The following PALLD variants were observed in gnomAD, a reference collection of about 807,000 sequenced individuals.
The protein encoded by PALLD is palladin.
A neutral mutation model predicts 123.5 loss-of-function variants in PALLD; 61 were observed. That is an observed-to-expected ratio of 0.49 (90% CI 0.40 to 0.61). The LOEUF (loss-of-function observed/expected upper bound fraction) is 0.61, where lower values mean the gene tolerates loss of function less well. Ranked by LOEUF, PALLD falls within the 20% of genes least tolerant of loss-of-function variation. PALLD has a pLI of 0.00. For synonymous variants in PALLD, 465 were observed against 496.4 expected, an observed-to-expected ratio of 0.94 and a Z score of 0.84; for missense variants, 1,273 against 1,377.0, an observed-to-expected ratio of 0.92 and a Z score of 1.20.
At chr4:168,556,564 T>C (rs979701898) in intron 2 of PALLD, among the ~76,000 whole-genome samples, 1 of 152,232 alleles carries the variant, frequency 6.6e-6, no homozygotes, top group African/African-American at 2.4e-5. Flanking sequence ...TGTGTGCAAA[T>C]CAACCTCTTG....
intron 2 of PALLD, among the ~76,000 whole-genome samples, chr4:168,596,855 G>A (rs966369675): frequency 2.6e-5 from 4 of 151,936 alleles, no homozygotes; most frequent in Non-Finnish European, 4.4e-5. Flanking sequence ...CTTAAACTGT[G>A]CTTATCTCAT....
chr4:168,820,176 G>A (rs1742516540), intron 10 of PALLD, among the ~76,000 whole-genome samples: 1 of 152,250 alleles, frequency 6.6e-6, no homozygotes, highest in Non-Finnish European at 1.5e-5. Flanking sequence ...CTTAGTGGCA[G>A]AAGTCATGTT....
intron 10 of PALLD, among the ~76,000 whole-genome samples, chr4:168,712,878 TTC>T (rs1383628486): frequency 6.6e-6 from 1 of 152,196 alleles, no homozygotes; most frequent in Non-Finnish European, 1.5e-5. Context: ...GCCTACTCTT[TTC>T]TCTCTGTGAT....
At chr4:168,523,943 T>C (rs902438273) in intron 2 of PALLD, among the ~76,000 whole-genome samples, 2 of 152,204 alleles carry the variant, frequency 1.3e-5, no homozygotes, top group Admixed American at 6.5e-5. Flanking sequence ...GTCATTCTCC[T>C]AGTAATACTA....
At chr4:168,704,321 G>A (rs1215304515) in intron 8 of PALLD, among the ~76,000 whole-genome samples, 2 of 152,142 alleles carry the variant, frequency 1.3e-5, no homozygotes, top group South Asian at 2.1e-4. Flanking sequence ...ACATAGGCAT[G>A]GACAATTTTT....
At chr4:168,565,665 C>G (rs1040930698) in intron 2 of PALLD, among the ~76,000 whole-genome samples, 2 of 151,938 alleles carry the variant, frequency 1.3e-5, no homozygotes, top group Non-Finnish European at 2.9e-5. Flanking sequence ...ATTTACACTC[C>G]GAGAAGACCA....
chr4:168,654,678 G>T (rs970516343), intron 2 of PALLD: 2 of 152,184 alleles, frequency 1.3e-5, no homozygotes, highest in African/African-American at 4.8e-5. Flanking sequence ...GGTGTAATTA[G>T]TCCTGACTTC....
intron 3 of PALLD, among the ~76,000 whole-genome samples, chr4:168,670,775 C>CAAAAAAAAA (rs112589264): frequency 3.0e-5 from 3 of 100,204 alleles, no homozygotes; most frequent in Non-Finnish European, 6.0e-5. Context: ...CAAAAAAAAA[C>CAAAAAAAAA]AAAAAAAAAA....
chr4:168,642,288 G>C (rs926299906), intron 2 of PALLD, among the ~76,000 whole-genome samples: 3 of 152,182 alleles, frequency 2.0e-5, no homozygotes, highest in African/African-American at 7.2e-5. Flanking sequence ...GTTGAAAATT[G>C]ACATGGGACG....
At chr4:168,510,836 T>C (rs1270471432) in intron 1 of PALLD, among the ~76,000 whole-genome samples, 2 of 152,180 alleles carry the variant, frequency 1.3e-5, no homozygotes, top group Non-Finnish European at 2.9e-5. Context: ...ATCTACCATC[T>C]GGCCCTTTCC....
chr4:168,620,585 G>T (rs1056246337), intron 2 of PALLD, among the ~76,000 whole-genome samples: 3 of 152,196 alleles, frequency 2.0e-5, no homozygotes, highest in Non-Finnish European at 2.9e-5. Flanking sequence ...GCCACAGTCA[G>T]ATTTGCATTT....
chr4:168,736,913 C>T (rs181174859), intron 10 of PALLD, among the ~76,000 whole-genome samples: 35 of 152,124 alleles, frequency 2.3e-4, no homozygotes, highest in Admixed American at 1.1e-3. Context: ...TGGTTATTAA[C>T]GTGAAGTTTA....
At chr4:168,712,723 A>G (rs1056736534) in intron 10 of PALLD, among the ~76,000 whole-genome samples, 5 of 152,280 alleles carry the variant, frequency 3.3e-5, no homozygotes, top group South Asian at 2.1e-4. Flanking sequence ...GTGAATGTGT[A>G]TGTATTCTAT....
intron 10 of PALLD, among the ~76,000 whole-genome samples, chr4:168,863,537 G>T (rs923814003): frequency 6.6e-6 from 1 of 152,174 alleles, no homozygotes; most frequent in African/African-American, 2.4e-5. Flanking sequence ...TGAGGAAGCA[G>T]TGAAGGATGC....
rs115752545 is a variant in PALLD at position 168,772,687 on chromosome 4, G to C, written c.1964+60764G>C. On this transcript the variant is annotated intron_variant, in intron 10 of 21. Coordinates refer to ENST00000505667, the MANE Select transcript of PALLD (RefSeq NM_001166108.2). ...AAATGTGCCTGACACTGTAGTGGAG[G>C]CCAGCTTCTTGAAAGCAAAAAAACA... is the stretch of plus-strand genomic sequence containing the variant. 1.7e-3 allele frequency among the ~76,000 whole-genome samples: 262 copies of C among 152,246 alleles called. 1 individual carries two copies. The highest frequency in any genetic ancestry group is 5.9e-3 in the African/African-American group (243 of 41,522).
chr4:168,749,824 C>G (rs1730800485), intron 10 of PALLD, among the ~76,000 whole-genome samples: 1 of 152,118 alleles, frequency 6.6e-6, no homozygotes, highest in South Asian at 2.1e-4. Flanking sequence ...TTCTGTCACC[C>G]AGGTAGTAAG....
intron 2 of PALLD, among the ~76,000 whole-genome samples, chr4:168,604,071 T>C (rs775418863): frequency 6.6e-6 from 1 of 152,202 alleles, no homozygotes; most frequent in Non-Finnish European, 1.5e-5. Flanking sequence ...TGAAAATAAC[T>C]CTGAAAACTC....
chr4:168,527,336 C>G (rs990624238), intron 2 of PALLD, among the ~76,000 whole-genome samples: 3 of 144,964 alleles, frequency 2.1e-5, no homozygotes, highest in Non-Finnish European at 3.0e-5. Flanking sequence ...GCAGGAGAAT[C>G]GCTTTAACCC....
chr4:168,671,245 A>G (rs1295633833), intron 3 of PALLD, among the ~76,000 whole-genome samples: 2 of 152,204 alleles, frequency 1.3e-5, no homozygotes, highest in Non-Finnish European at 2.9e-5. Flanking sequence ...TTTAACTTTT[A>G]ATGTGGTTCT....
Sources: allele counts gnomAD v4.1 joint callset (sites outside exome capture counted in the v4.1 genomes callset), GRCh38; gene constraint gnomAD v4.1.1; transcripts MANE v1.5; gene names NCBI Gene and HGNC (gene_info 2026-07-23, HGNC 2026-07-21).